CTNND2: variants seen among roughly 807,000 people sequenced by gnomAD.
The protein encoded by CTNND2 is catenin delta-2.
CTNND2 carries 22 observed loss-of-function variants against 144.4 expected under a neutral mutation model. The ratio of observed to expected loss-of-function variants is 0.15; its 90% confidence interval spans 0.11 to 0.22. The LOEUF is 0.22. Ranked by LOEUF, CTNND2 falls within the 10% of genes least tolerant of loss-of-function variation. The pLI is 1.00. For synonymous variants in CTNND2, 751 were observed against 695.6 expected (o/e 1.08, Z -1.25); for missense variants, 1,353 against 1,618.8 (o/e 0.84, Z 2.82).
chr5:11,006,539 G>A (rs1272779575), intron 18 of CTNND2, among the ~76,000 whole-genome samples: 3 of 152,238 alleles, frequency 2.0e-5, no homozygotes, highest in Non-Finnish European at 4.4e-5. Context: ...ATAAACTTTC[G>A]TGTAGTTGGA....
intron 2 of CTNND2, among the ~76,000 whole-genome samples, chr5:11,647,674 C>T (rs898902156): frequency 1.3e-5 from 2 of 152,114 alleles, no homozygotes; most frequent in Non-Finnish European, 2.9e-5. Flanking sequence ...TTCTGGGCTT[C>T]TCCACCTGTC....
In CTNND2 at chr5:11,461,795, T is replaced by A. The variant is rs61758956; in HGVS notation, c.288-49726A>T. On this transcript the variant is annotated intron_variant, in intron 3 of 21. Coordinates refer to ENST00000304623, the MANE Select transcript of CTNND2 (RefSeq NM_001332.4). ...AGGGAAACTACTATCCAATAAGTAATTCAAGATTAGAAAGAAATAAGGATT... is the reference window on the plus strand; with the variant it reads ...AGGGAAACTACTATCCAATAAGTAAATCAAGATTAGAAAGAAATAAGGATT... 5.0e-3 allele frequency among the ~76,000 whole-genome samples: 768 copies of A among 152,302 alleles called. 33 individuals carry two copies. In the East Asian group the frequency reaches 0.087, roughly 17 times the overall value.
At chr5:11,319,395 T>A (rs891719121) in intron 9 of CTNND2, among the ~76,000 whole-genome samples, 11 of 152,252 alleles carry the variant, frequency 7.2e-5, no homozygotes, top group Non-Finnish European at 1.6e-4. Flanking sequence ...AAAATAAATA[T>A]TTATAAATTA....
At chr5:11,085,989 T>C (rs1750095282) in intron 15 of CTNND2, among the ~76,000 whole-genome samples, 1 of 152,008 alleles carries the variant, frequency 6.6e-6, no homozygotes, top group Non-Finnish European at 1.5e-5. Context: ...CATGGCTTGC[T>C]GGGCTGGGGA....
At chr5:11,022,485 G>A (rs527330432) in intron 17 of CTNND2, among the ~76,000 whole-genome samples, 2 of 152,238 alleles carry the variant, frequency 1.3e-5, no homozygotes, top group East Asian at 1.9e-4. Context: ...ATCAACACAC[G>A]GACTTCCCAC....
intron 9 of CTNND2, among the ~76,000 whole-genome samples, chr5:11,285,095 A>G (rs1747589852): frequency 6.6e-6 from 1 of 152,174 alleles, no homozygotes; most frequent in Non-Finnish European, 1.5e-5. Flanking sequence ...CCCACCTTTG[A>G]TATCTGATTC....
intron 9 of CTNND2, among the ~76,000 whole-genome samples, chr5:11,343,415 C>A (rs1317356485): frequency 6.6e-6 from 1 of 152,058 alleles, no homozygotes; most frequent in Non-Finnish European, 1.5e-5. Flanking sequence ...ATAACAAAGA[C>A]CACACATCCA....
intron 15 of CTNND2, among the ~76,000 whole-genome samples, chr5:11,095,940 T>TA (rs1344957495): frequency 6.6e-6 from 1 of 152,146 alleles, no homozygotes; most frequent in Non-Finnish European, 1.5e-5. Context: ...CATTATTTTT[T>TA]AAAATATTTT....
At chr5:11,174,083 G>A (rs1034822198) in intron 11 of CTNND2, among the ~76,000 whole-genome samples, 1 of 152,142 alleles carries the variant, frequency 6.6e-6, no homozygotes, top group Non-Finnish European at 1.5e-5. Context: ...GGGGGTGCAG[G>A]GAGATGGAGA....
chr5:11,724,134 T>C (rs1363519113), intron 2 of CTNND2, among the ~76,000 whole-genome samples: 1 of 152,022 alleles, frequency 6.6e-6, no homozygotes, highest in Non-Finnish European at 1.5e-5. Flanking sequence ...ACTGAAACGG[T>C]TCATTTATAT....
intron 2 of CTNND2, among the ~76,000 whole-genome samples, chr5:11,613,770 G>C (rs1160622097): frequency 6.6e-6 from 1 of 152,164 alleles, no homozygotes; most frequent in Non-Finnish European, 1.5e-5. Context: ...GCTAGGATTA[G>C]AATTAGGCCT....
At chr5:11,196,213 T>C (rs1161219309) in intron 11 of CTNND2, among the ~76,000 whole-genome samples, 1 of 152,246 alleles carries the variant, frequency 6.6e-6, no homozygotes, top group Non-Finnish European at 1.5e-5. Context: ...GATATACAGC[T>C]AGGTCTAATC....
chr5:11,879,730 G>C (rs1307921532), intron 1 of CTNND2, among the ~76,000 whole-genome samples: 1 of 152,064 alleles, frequency 6.6e-6, no homozygotes, highest in African/African-American at 2.4e-5. Flanking sequence ...CAAAATGAAA[G>C]TATATATATG....
intron 18 of CTNND2, among the ~76,000 whole-genome samples, chr5:11,015,256 G>T (rs1741486295): frequency 6.6e-6 from 1 of 152,314 alleles, no homozygotes; most frequent in Middle Eastern, 3.4e-3. Context: ...TTCTCACAAA[G>T]GAGCTTTTCA....
intron 1 of CTNND2, among the ~76,000 whole-genome samples, chr5:11,864,664 T>A (rs967525625): frequency 2.0e-5 from 3 of 151,986 alleles, no homozygotes; most frequent in African/African-American, 7.3e-5. Context: ...GTAGGGGGGC[T>A]CTCCTTTGTA....
intron 2 of CTNND2, among the ~76,000 whole-genome samples, chr5:11,684,926 A>G: frequency 6.6e-6 from 1 of 152,208 alleles, no homozygotes; most frequent in East Asian, 1.9e-4. Context: ...GTAGGAACAA[A>G]GAGAATGGTC....
intron 9 of CTNND2, among the ~76,000 whole-genome samples, chr5:11,240,607 C>T (rs1742268006): frequency 7.3e-6 from 1 of 137,222 alleles, no homozygotes; most frequent in Non-Finnish European, 1.5e-5. Flanking sequence ...ACACCCAACA[C>T]ACACACCCCA....
At chr5:11,846,513 A>C (rs1291338324) in intron 1 of CTNND2, among the ~76,000 whole-genome samples, 1 of 152,150 alleles carries the variant, frequency 6.6e-6, no homozygotes, top group Admixed American at 6.5e-5. Flanking sequence ...TAGTGGATCA[A>C]TGCTTCATGA....
chr5:10,988,106 C>T lies in CTNND2; in HGVS notation c.3343+5G>A, dbSNP rs201041399. The T allele has an allele frequency of 4.8e-4, 772 of 1,614,090 alleles. No individual in the cohort carries two copies. Among genetic ancestry groups the T allele is most frequent in the Non-Finnish European group, 6.2e-4 (728 of 1,179,984 alleles). On this transcript the variant is annotated splice_donor_5th_base_variant and intron_variant, in intron 20 of 21. Coordinates refer to ENST00000304623, the MANE Select transcript of CTNND2 (RefSeq NM_001332.4). The surrounding 1 kb of genome is among the most constrained non-coding windows in gnomAD (Gnocchi z 5.9). ...TCCAGGAGGGGGCGCGCGAGGGGCG[C>T]TCACCTGTCATGGCATCTTTCCTGG...
Sources: allele counts gnomAD v4.1 joint callset (sites outside exome capture counted in the v4.1 genomes callset), GRCh38; gene constraint gnomAD v4.1.1; non-coding constraint Gnocchi (gnomAD v3.1); transcripts MANE v1.5; gene names NCBI Gene and HGNC (gene_info 2026-07-23, HGNC 2026-07-21).